Variants in KAZN observed in about 807,000 individuals in gnomAD.
KAZN encodes kazrin, periplakin interacting protein.
A neutral mutation model predicts 87.4 loss-of-function variants in KAZN; 40 were observed. That is an observed-to-expected ratio of 0.46 (90% CI 0.36 to 0.60). KAZN has a LOEUF of 0.60. Ranked by LOEUF, KAZN falls within the 20% of genes least tolerant of loss-of-function variation. KAZN has a pLI of 0.00. For missense variants in KAZN, 898 were observed against 1,073.9 expected, an observed-to-expected ratio of 0.84 and a Z score of 2.29; for synonymous variants, 466 against 458.3, an observed-to-expected ratio of 1.02 and a Z score of -0.22.
chr1:14,907,162 G>A (rs1302878951), intron 1 of KAZN, among the ~76,000 whole-genome samples: 1 of 151,912 alleles, frequency 6.6e-6, no homozygotes, highest in Non-Finnish European at 1.5e-5. Flanking sequence ...TTGGGAGGCC[G>A]AGGCTGGTGG....
chr1:14,178,035 G>A (rs548165672), intron 1 of KAZN, among the ~76,000 whole-genome samples: 3 of 152,158 alleles, frequency 2.0e-5, no homozygotes, highest in South Asian at 4.2e-4. Context: ...AATCATGGGG[G>A]CGGTTACCTC....
chr1:14,773,301 T>C lies in KAZN; in HGVS notation c.226+174078T>C, dbSNP rs536532552. On this transcript the variant is annotated intron_variant, in intron 1 of 14. Coordinates refer to ENST00000376030, the MANE Select transcript of KAZN (RefSeq NM_201628.3). The surrounding 1 kb of genome is among the most constrained non-coding windows in gnomAD (Gnocchi z 5.9). Reference sequence around the variant, plus strand: ...GGGACTGTGGCACACAGTGGTGGCCTGGCGTATGAGAAGACCACCCCCCAC... The same window carrying C: ...GGGACTGTGGCACACAGTGGTGGCCCGGCGTATGAGAAGACCACCCCCCAC... 2.6e-5 allele frequency among the ~76,000 whole-genome samples: 4 copies of C among 152,282 alleles called. No homozygotes were observed. In the East Asian group the frequency reaches 7.7e-4, roughly 29 times the overall value.
intron 1 of KAZN, among the ~76,000 whole-genome samples, chr1:14,831,755 G>A (rs1254412883): frequency 6.6e-6 from 1 of 152,168 alleles, no homozygotes; most frequent in Non-Finnish European, 1.5e-5. Flanking sequence ...ACAAGCGACT[G>A]TGCTGAGGCT....
intron 4 of KAZN, among the ~76,000 whole-genome samples, chr1:15,052,989 G>A (rs1674573314): frequency 6.6e-6 from 1 of 152,168 alleles, no homozygotes; most frequent in Non-Finnish European, 1.5e-5. Flanking sequence ...TCCCTCCAAG[G>A]GCTGCCTGTT....
rs1417130884 is a variant in KAZN, at chr1:14,735,909, T to G, written c.226+136686T>G. Among the ~76,000 whole-genome samples, 1 of 152,156 alleles carries G rather than the reference T, an allele frequency of 6.6e-6. No individual in the cohort carries two copies. The highest frequency in any genetic ancestry group is 6.5e-5 in the Admixed American group (1 of 15,274). On this transcript the variant is annotated intron_variant, in intron 1 of 14. Coordinates refer to ENST00000376030, the MANE Select transcript of KAZN (RefSeq NM_201628.3). This position sits in a 1 kb window ranked among gnomAD's most constrained non-coding sequence, Gnocchi z 4.3. ...TGAGGTTGGTGACAATCTCCACCTG[T>G]GGCCATAGAAGAATAAAAGCTTTGG...
At position 14,474,583 on chromosome 1, in the gene KAZN, C is replaced by T. The variant is rs547093273; in HGVS notation, c.250-124400C>T. ...GAGAGTAACCTGTGTGAGAGGTGGT[C>T]GGAAGGACAACCAGAGCAGTCTTAA... On this transcript the variant is annotated intron_variant, in intron 2 of 16. Transcript: ENST00000636203. Among the ~76,000 whole-genome samples, 401 of 152,152 alleles carry T rather than the reference C, an allele frequency of 2.6e-3. 2 individuals carry two copies. Among genetic ancestry groups the T allele is most frequent in the African/African-American group, 9.2e-3 (380 of 41,500 alleles).
chr1:14,873,165 T>C (rs1193023284), intron 1 of KAZN, among the ~76,000 whole-genome samples: 1 of 144,624 alleles, frequency 6.9e-6, no homozygotes, highest in Non-Finnish European at 1.5e-5. Context: ...GATGGACAGA[T>C]AGATGAATGG....
chr1:14,116,781 G>A (rs923658310), intron 1 of KAZN, among the ~76,000 whole-genome samples: 1 of 152,214 alleles, frequency 6.6e-6, no homozygotes, highest in Non-Finnish European at 1.5e-5. Context: ...AAGCAGCCAG[G>A]AGGGAGGCTG....
At chr1:14,334,596 C>T (rs1211504038) in intron 2 of KAZN, among the ~76,000 whole-genome samples, 1 of 152,102 alleles carries the variant, frequency 6.6e-6, no homozygotes, top group East Asian at 1.9e-4. Flanking sequence ...AGGACTTTGG[C>T]TTTCACCCTG....
At chr1:14,403,019 G>T (rs1348208006) in intron 2 of KAZN, among the ~76,000 whole-genome samples, 1 of 152,178 alleles carries the variant, frequency 6.6e-6, no homozygotes, top group African/African-American at 2.4e-5. Flanking sequence ...TAGAGACGAG[G>T]TTTCGCCACA....
chr1:14,788,679 G>T (rs1481699203), intron 1 of KAZN, among the ~76,000 whole-genome samples: 1 of 152,082 alleles, frequency 6.6e-6, no homozygotes, highest in Non-Finnish European at 1.5e-5. Context: ...GCCTGACCGT[G>T]GTGACTCTGC....
At position 15,065,696 on chromosome 1, in the gene KAZN, T is replaced by G; in HGVS notation, c.1165T>G (p.Ser389Ala). The G allele has an allele frequency of 6.2e-7, 1 of 1,614,134 alleles. No individual in the cohort carries two copies. Among genetic ancestry groups the G allele is most frequent in the Non-Finnish European group, 8.5e-7 (1 of 1,180,000 alleles). ...KKEKMGFGSI[S>A]RVFARGKQRK... ...AGAGAAGATGGGATTCGGCTCCATC[T>G]CCCGCGTCTTCGCCAGAGGGAAGCA... Residue 389 changes from serine (S) to alanine (A), a missense_variant, in exon 8 of 15, where the codon TCC becomes GCC. Around this residue, in one of 3 missense-constraint regions of KAZN, gnomAD observed 521 missense variants for 689.4 expected, o/e 0.76. Transcript: ENST00000376030.
chr1:14,638,580 A>AC (rs1572106454), intron 1 of KAZN, among the ~76,000 whole-genome samples: 1 of 23,618 alleles, frequency 4.2e-5, no homozygotes, highest in Admixed American at 4.6e-4. Context: ...AAAAAAAAAC[A>AC]AAAAAAAAAA....
intron 2 of KAZN, among the ~76,000 whole-genome samples, chr1:14,416,439 T>C (rs1241077380): frequency 2.0e-5 from 3 of 152,136 alleles, no homozygotes; most frequent in South Asian, 2.1e-4. Flanking sequence ...GATAGTAATA[T>C]AAAAAATGAG....
At chr1:15,001,838 C>A (rs993614359) in intron 2 of KAZN, among the ~76,000 whole-genome samples, 1 of 135,426 alleles carries the variant, frequency 7.4e-6, no homozygotes, top group Non-Finnish European at 1.6e-5. Flanking sequence ...ATTCTTCTGG[C>A]GATGTCCCTC....
intron 8 of KAZN, among the ~76,000 whole-genome samples, chr1:15,073,527 GC>G (rs1639608658): frequency 6.6e-6 from 1 of 152,146 alleles, no homozygotes; most frequent in Non-Finnish European, 1.5e-5. Flanking sequence ...ACCCCAAGCT[GC>G]CCCCCAGGCA....
rs1486380656 is a variant in KAZN at position 14,820,375 on chromosome 1, C to T, written c.227-140309C>T. On this transcript the variant is annotated intron_variant, in intron 1 of 14. Coordinates refer to ENST00000376030, the MANE Select transcript of KAZN (RefSeq NM_201628.3). This position sits in a 1 kb window ranked among gnomAD's most constrained non-coding sequence, Gnocchi z 4.1. ...CATCTGCCAATTTCAAGTGCCACATCATCTGGGTATCATGAGAGCCCATCT... is the reference window on the plus strand; with the variant it reads ...CATCTGCCAATTTCAAGTGCCACATTATCTGGGTATCATGAGAGCCCATCT... Among the ~76,000 whole-genome samples the T allele has an allele frequency of 6.6e-6, 1 of 152,232 alleles. No individual in the cohort carries two copies.
chr1:13,917,989 C>A (rs920940988), intron 1 of KAZN, among the ~76,000 whole-genome samples: 1 of 152,130 alleles, frequency 6.6e-6, no homozygotes, highest in African/African-American at 2.4e-5. Context: ...AGACAATGCA[C>A]CTGGTCATCC....
intron 2 of KAZN, among the ~76,000 whole-genome samples, chr1:15,020,500 A>C (rs963210244): frequency 6.6e-6 from 1 of 152,064 alleles, no homozygotes; most frequent in South Asian, 2.1e-4. Flanking sequence ...CCCCTCTTGC[A>C]TCGTCTCTTC....
Sources: allele counts gnomAD v4.1 joint callset (sites outside exome capture counted in the v4.1 genomes callset), GRCh38; gene constraint gnomAD v4.1.1; regional missense constraint gnomAD v4.1.1; non-coding constraint Gnocchi (gnomAD v3.1); transcripts MANE v1.5; gene names NCBI Gene and HGNC (gene_info 2026-07-23, HGNC 2026-07-21).